The following BIN3 variants were observed in gnomAD, a reference collection of about 807,000 sequenced individuals.
The protein encoded by BIN3 is bridging integrator 3.
BIN3 carries 41 observed loss-of-function variants against 38.2 expected under a neutral mutation model. The ratio of observed to expected loss-of-function variants is 1.07; its 90% CI spans 0.84 to 1.39. The LOEUF (loss-of-function observed/expected upper bound fraction) is 1.39, where lower values mean the gene tolerates loss of function less well. Among genes scored for constraint, BIN3 ranks in the 40% most tolerant of loss-of-function variants. The pLI is 0.00. For synonymous variants in BIN3, 145 were observed against 122.6 expected, an observed-to-expected ratio of 1.18 and a Z score of -1.21; for missense variants, 361 against 324.3, an observed-to-expected ratio of 1.11 and a Z score of -0.87.
intron 4 of BIN3, among the ~76,000 whole-genome samples, chr8:22,632,340 C>A (rs373580476): frequency 6.6e-6 from 1 of 152,172 alleles, no homozygotes; most frequent in Admixed American, 6.5e-5. Flanking sequence ...CAGCGCTGAG[C>A]GGACTAGCCA....
At chr8:22,622,009 C>T (rs1042173526) in intron 8 of BIN3, among the ~76,000 whole-genome samples, 3 of 152,232 alleles carry the variant, frequency 2.0e-5, no homozygotes, top group Non-Finnish European at 4.4e-5. Flanking sequence ...AAGGGGATGC[C>T]CGTCTAGCCT....
At chr8:22,646,076 G>A (rs1802706286) in intron 1 of BIN3, among the ~76,000 whole-genome samples, 1 of 152,150 alleles carries the variant, frequency 6.6e-6, no homozygotes, top group African/African-American at 2.4e-5. Context: ...GCAGGTGACG[G>A]CTGCACTGGG....
chr8:22,669,120 TC>T lies in BIN3; in HGVS notation c.-70del. 2.6e-6 allele frequency: 4 copies of T among 1,548,006 alleles called. No individual in the cohort carries two copies. Among genetic ancestry groups the T allele is most frequent in the Non-Finnish European group, 3.5e-6 (4 of 1,142,844 alleles). ...CGTTTCTCTAGGGTCACTTCCGGAT[TC>T]AACCAGTCTCCAGGAAGTGACGTAA... On this transcript the variant is annotated 5_prime_UTR_variant, in exon 1 of 9. Coordinates refer to ENST00000276416, the MANE Select transcript of BIN3 (RefSeq NM_018688.6).
chr8:22,640,211 T>A, intron 2 of BIN3, among the ~76,000 whole-genome samples: 1 of 150,704 alleles, frequency 6.6e-6, no homozygotes, highest in Non-Finnish European at 1.5e-5. Flanking sequence ...AGAGTCTCAC[T>A]CTGTCGCTCA....
intron 4 of BIN3, among the ~76,000 whole-genome samples, chr8:22,631,296 C>A (rs747010222): frequency 6.6e-6 from 1 of 152,120 alleles, no homozygotes; most frequent in Non-Finnish European, 1.5e-5. Context: ...CTGGTACAGG[C>A]GGGACTGGGA....
intron 2 of BIN3, among the ~76,000 whole-genome samples, chr8:22,643,677 T>G (rs2117555855): frequency 6.6e-6 from 1 of 152,336 alleles, no homozygotes; most frequent in East Asian, 1.9e-4. Context: ...GATGGAGCCA[T>G]TGGTCAGATG....
chr8:22,643,606 T>G (rs1262376849), intron 2 of BIN3, among the ~76,000 whole-genome samples: 1 of 152,206 alleles, frequency 6.6e-6, no homozygotes. Context: ...CTGGACCCTG[T>G]GAGGGTGCTT....
chr8:22,648,421 G>C (rs1367923323), intron 1 of BIN3, among the ~76,000 whole-genome samples: 1 of 114,368 alleles, frequency 8.7e-6, no homozygotes, highest in Non-Finnish European at 1.8e-5. Context: ...ATCTCTCCCT[G>C]CTTTTGATGA....
intron 1 of BIN3, among the ~76,000 whole-genome samples, chr8:22,660,701 T>C (rs1803206551): frequency 6.6e-6 from 1 of 152,216 alleles, no homozygotes; most frequent in Non-Finnish European, 1.5e-5. Flanking sequence ...AAATATGAAA[T>C]ATTGTAAATA....
Position 22,621,236 on chromosome 8 carries a change from G to C in BIN3, c.*186C>G. On this transcript the variant is annotated 3_prime_UTR_variant, in exon 9 of 9. Transcript: ENST00000276416. ...CTGCTTACCTGCTGGGGCTGTGAGT[G>C]GGGAGACGGCGGCCTGCCTAGGGCT... The C allele has an allele frequency of 2.8e-6, 2 of 709,848 alleles. No individual in the cohort carries two copies. The highest frequency in any genetic ancestry group is 2.9e-5 in the Admixed American group (1 of 34,326). The allele number at this position is 709,848 out of a possible 1,614,324, so 44.0% of individuals were successfully genotyped here.
intron 6 of BIN3, 132 bp from the exon 7 acceptor site, chr8:22,624,495 C>T: frequency 7.9e-7 from 1 of 1,266,678 alleles, no homozygotes; most frequent in South Asian, 1.5e-5. Context: ...CCAGCACTCA[C>T]TTGTCCAAAA....
intron 8 of BIN3, 130 bp downstream of exon 8, chr8:22,623,785 T>C: frequency 2.4e-6 from 3 of 1,227,296 alleles, no homozygotes. Flanking sequence ...ATGAATTCCT[T>C]CAGGGCTTTG....
intron 4 of BIN3, among the ~76,000 whole-genome samples, chr8:22,633,711 TG>T (rs1314802361): frequency 2.0e-5 from 3 of 152,216 alleles, no homozygotes; most frequent in African/African-American, 7.2e-5. Flanking sequence ...CAGCATCACC[TG>T]GGAACTCCAG....
Position 22,644,798 on chromosome 8 carries a change from G to A in BIN3, c.14C>T (p.Pro5Leu), listed in dbSNP as rs768894014. The A allele has an allele frequency of 1.2e-6, 2 of 1,610,128 alleles. No homozygotes were observed. The highest frequency in any genetic ancestry group is 1.7e-6 in the Non-Finnish European group (2 of 1,177,920). Residue 5 changes from proline (P) to leucine (L), a missense_variant, in exon 2 of 9, where the codon CCT becomes CTT. Pro to Leu is a moderately conservative substitution (Grantham distance 98, BLOSUM62 -3). Transcript: ENST00000276416. ...TTTCTTGGGCTGCCCAATCTTAAAA[G>A]GAATCCTATAAGAGAAAGAGACAAA... MSWI[P>L]FKIGQPKKQI...
chr8:22,631,008 G>C (rs1802180589), intron 4 of BIN3, among the ~76,000 whole-genome samples: 1 of 152,172 alleles, frequency 6.6e-6, no homozygotes, highest in South Asian at 2.1e-4. Flanking sequence ...GTTTACACAT[G>C]CTTTTACTAC....
chr8:22,643,803 C>T (rs887661929), intron 2 of BIN3, among the ~76,000 whole-genome samples: 1 of 152,232 alleles, frequency 6.6e-6, no homozygotes, highest in East Asian at 1.9e-4. Flanking sequence ...GGATGACAGA[C>T]GAGGGCCTCT....
intron 1 of BIN3, among the ~76,000 whole-genome samples, chr8:22,660,575 T>G (rs1803200311): frequency 6.6e-6 from 1 of 152,194 alleles, no homozygotes; most frequent in Admixed American, 6.5e-5. Context: ...GAAACTGACT[T>G]CTAGGCCCCC....
intron 1 of BIN3, among the ~76,000 whole-genome samples, chr8:22,660,487 C>G (rs1195770378): frequency 6.6e-6 from 1 of 152,188 alleles, no homozygotes; most frequent in Non-Finnish European, 1.5e-5. Flanking sequence ...ATAAAGAGCT[C>G]TCACACTACC....
chr8:22,641,959 G>C (rs1330337153), intron 2 of BIN3, among the ~76,000 whole-genome samples: 3 of 152,140 alleles, frequency 2.0e-5, no homozygotes, highest in African/African-American at 7.2e-5. Flanking sequence ...TCGGGATCGG[G>C]GGAGCTTTTG....
Sources: allele counts gnomAD v4.1 joint callset (sites outside exome capture counted in the v4.1 genomes callset), GRCh38; gene constraint gnomAD v4.1.1; transcripts MANE v1.5; gene names NCBI Gene and HGNC (gene_info 2026-07-23, HGNC 2026-07-21).